SGK1: variants seen among roughly 807,000 people sequenced by gnomAD.
SGK1 encodes the protein serine/threonine-protein kinase Sgk1.
Under a neutral mutation model 64.2 loss-of-function variants are expected in SGK1, and 26 were observed. The observed-to-expected ratio is 0.40, with a 90% CI of 0.30 to 0.56. The LOEUF (loss-of-function observed/expected upper bound fraction) is 0.56, where lower values mean the gene tolerates loss of function less well. SGK1 is among the 20% of genes least tolerant of loss of function. The pLI, the probability that SGK1 is intolerant of heterozygous loss-of-function variation, is 0.38. For synonymous variants in SGK1, 265 were observed against 239.7 expected (o/e 1.11, Z -0.98); for missense variants, 519 against 645.6 (o/e 0.80, Z 2.12).
At chr6:134,228,325 A>AT (rs1311457259) in intron 2 of SGK1, among the ~76,000 whole-genome samples, 6 of 151,980 alleles carry the variant, frequency 3.9e-5, no homozygotes, top group Admixed American at 3.9e-4. Context: ...TTTATTATGA[A>AT]TTTTTTTGTG....
At chr6:134,203,244 A>AAAAAAT (rs1292153580) in intron 3 of SGK1, among the ~76,000 whole-genome samples, 5 of 152,216 alleles carry the variant, frequency 3.3e-5, no homozygotes, top group Admixed American at 6.5e-5. Context: ...CTCTGTCTCA[A>AAAAAAT]AAAAATAAAA....
At chr6:134,175,910 G>T (rs146929936) in intron 3 of SGK1, 47 of 1,215,214 alleles carry the variant, frequency 3.9e-5, no homozygotes, top group Non-Finnish European at 4.5e-5. Flanking sequence ...GAGGGAAAAG[G>T]GGGAGGGAGA....
intron 1 of SGK1, 105 bp downstream of exon 1, chr6:134,317,287 C>T: frequency 1.3e-6 from 1 of 797,284 alleles, no homozygotes; most frequent in Non-Finnish European, 2.3e-6. Context: ...GCACGGCTTA[C>T]ATTAAGGGTT....
chr6:134,173,739 C>T (rs1582684792), intron 5 of SGK1, 173 bp from the exon 6 acceptor site: 3 of 609,500 alleles, frequency 4.9e-6, no homozygotes, highest in Non-Finnish European at 8.5e-6. Flanking sequence ...GGAAACTGCA[C>T]ACAGTCATGT....
intron 3 of SGK1, among the ~76,000 whole-genome samples, chr6:134,194,767 C>G (rs996372092): frequency 3.9e-5 from 6 of 152,130 alleles, no homozygotes; most frequent in Non-Finnish European, 7.3e-5. Context: ...AAGTGATGCG[C>G]CCGCCTCGGC....
intron 1 of SGK1, among the ~76,000 whole-genome samples, chr6:134,293,948 A>G (rs2114783039): frequency 6.6e-6 from 1 of 152,298 alleles, no homozygotes; most frequent in East Asian, 1.9e-4. Context: ...GGTGAATGAA[A>G]GGCATTCGGT....
rs757683557 is a variant in SGK1, at chr6:134,262,114, A to G, written c.104T>C (p.Val35Ala). The stretch of plus-strand genomic sequence containing the variant: ...CAGGCTGGGACTCTGATGCTTGTCC[A>G]CACTGACCATTGGGCTCTTGATCCA... ...RRWIKSPMVS[V>A]DKHQSPSLKY... Residue 35 changes from valine to alanine, a missense_variant, in exon 2 of 14, where the codon GTG (valine) becomes GCG (alanine). This residue lies in a region of SGK1 where 241 missense variants were observed against 236.9 expected (regional missense o/e 1.02). Transcript: ENST00000367858. 58 of 1,603,008 alleles carry G rather than the reference A, an allele frequency of 3.6e-5. No homozygotes were observed. Among genetic ancestry groups the G allele is most frequent in the Admixed American group, 3.4e-5 (2 of 58,996 alleles).
intron 2 of SGK1, chr6:134,261,669 C>T (rs1216040129): frequency 1.2e-5 from 7 of 588,366 alleles, no homozygotes; most frequent in South Asian, 4.4e-5. Context: ...GTAGGTTATA[C>T]GTGCATGGGG....
chr6:134,232,788 G>A (rs1024553601), intron 2 of SGK1, among the ~76,000 whole-genome samples: 3 of 151,444 alleles, frequency 2.0e-5, no homozygotes, highest in Non-Finnish European at 4.4e-5. Context: ...GGAGGCAGAG[G>A]TTGCAGTGAG....
intron 1 of SGK1, among the ~76,000 whole-genome samples, chr6:134,262,521 T>TG (rs71003686): frequency 1 from 151,769 of 151,770 alleles, 75,884 homozygotes; most frequent in Non-Finnish European, 1. Context: ...TGGACCAGCC[T>TG]GCCAACATGA....
chr6:134,211,661 T>C (rs899316755), intron 2 of SGK1: 16 of 151,978 alleles, frequency 1.1e-4, no homozygotes, highest in Non-Finnish European at 2.4e-4. Flanking sequence ...ATGCTAGCTC[T>C]TTGCACGTAA....
intron 2 of SGK1, among the ~76,000 whole-genome samples, chr6:134,219,486 C>T (rs1176217002): frequency 2.0e-5 from 3 of 152,078 alleles, no homozygotes; most frequent in Admixed American, 6.6e-5. Flanking sequence ...ATTGGCCAGC[C>T]GCGGTATCTC....
chr6:134,246,395 G>T (rs1176011438), intron 2 of SGK1, among the ~76,000 whole-genome samples: 1 of 151,696 alleles, frequency 6.6e-6, no homozygotes, highest in Non-Finnish European at 1.5e-5. Context: ...GACCTCAGGT[G>T]ATCTGCCCAC....
chr6:134,181,384 G>A (rs563726432), intron 3 of SGK1, among the ~76,000 whole-genome samples: 15 of 151,526 alleles, frequency 9.9e-5, no homozygotes, highest in Non-Finnish European at 2.1e-4. Flanking sequence ...TTACTCTGTC[G>A]CCCAGACTGG....
intron 3 of SGK1, among the ~76,000 whole-genome samples, chr6:134,191,598 G>C (rs1418433867): frequency 3.3e-5 from 5 of 151,956 alleles, no homozygotes; most frequent in African/African-American, 1.2e-4. Context: ...TATTATAATA[G>C]CTGACATTTC....
rs751754575 is a variant in SGK1 at position 134,207,379 on chromosome 6, G to A, written c.338C>T (p.Thr113Ile). 2 of 1,610,410 alleles carry A rather than the reference G, an allele frequency of 1.2e-6. No homozygotes were observed. Among genetic ancestry groups the A allele is most frequent in the Non-Finnish European group, 1.7e-6 (2 of 1,176,760 alleles). ...ANILTKPDPRTFWTNDDPAFM... is the reference protein window; with the variant it reads ...ANILTKPDPRIFWTNDDPAFM... ...ACCTGGATCATCATTAGTCCAGAAG[G>A]TTCTTGGATCGGGCTTGGTCAGGAT... Residue 113 changes from threonine to isoleucine, a missense_variant, in exon 3 of 14, where the codon ACC becomes ATC. Physicochemically the swap from Thr to Ile is moderately conservative, Grantham distance 89. Around this residue, in one of 2 missense-constraint regions of SGK1, gnomAD observed 241 missense variants for 236.9 expected, o/e 1.02. Coordinates refer to ENST00000367858, the MANE Select transcript of SGK1 (RefSeq NM_001143676.3).
Position 134,272,093 on chromosome 6 carries a change from C to G in SGK1, c.70-9945G>C, listed in dbSNP as rs906600219. 8.5e-5 allele frequency among the ~76,000 whole-genome samples: 12 copies of G among 141,194 alleles called. 3 individuals carry two copies. The highest frequency in any genetic ancestry group is 5.9e-4 in the Admixed American group (8 of 13,562). The allele number at this position is 141,194 out of a possible 152,430, so 92.6% of individuals were successfully genotyped here. ...CTGACCTCAGGCAATCTGCCTGCCT[C>G]GACCTCCCAAAGTGCTGGGATTACA... On this transcript the variant is annotated intron_variant, in intron 1 of 13. Transcript: ENST00000367858.
chr6:134,221,359 A>C (rs1776088058), intron 2 of SGK1, among the ~76,000 whole-genome samples: 1 of 152,212 alleles, frequency 6.6e-6, no homozygotes, highest in Non-Finnish European at 1.5e-5. Context: ...TATGCAAATA[A>C]TTATGGCAAA....
chr6:134,216,159 A>G (rs1775978148), intron 2 of SGK1, among the ~76,000 whole-genome samples: 1 of 152,230 alleles, frequency 6.6e-6, no homozygotes, highest in Non-Finnish European at 1.5e-5. Flanking sequence ...ATAGAGAACT[A>G]AAATATAAAA....
Sources: gnomAD v4.1 joint callset for allele counts (sites outside exome capture counted in the v4.1 genomes callset) on GRCh38, gnomAD v4.1.1 for gene constraint, gnomAD v4.1.1 regional missense constraint, MANE v1.5 for transcripts, NCBI Gene and HGNC (gene_info 2026-07-23, HGNC 2026-07-21) for gene names.